KDM4C: variants seen among roughly 807,000 people sequenced by gnomAD.
The protein encoded by KDM4C is lysine demethylase 4C.
Under a neutral mutation model 129.3 loss-of-function variants are expected in KDM4C, and 81 were observed. That is an observed-to-expected ratio of 0.63 (90% CI 0.52 to 0.75). The LOEUF is 0.75. Ranked by LOEUF, KDM4C falls within the 30% of genes least tolerant of loss-of-function variation. The pLI is 0.00. For synonymous variants in KDM4C, 573 were observed against 456.1 expected (o/e 1.26, Z -3.26); for missense variants, 1,457 against 1,304.0 (o/e 1.12, Z -1.81).
At chr9:6,848,063 T>C (rs530945977) in intron 4 of KDM4C, among the ~76,000 whole-genome samples, 1 of 152,240 alleles carries the variant, frequency 6.6e-6, no homozygotes, top group South Asian at 2.1e-4. Flanking sequence ...CCCTCAATTT[T>C]TTATTTTTAA....
In KDM4C at chr9:6,746,868, T is replaced by C. The variant is rs374706612; in HGVS notation, c.49+25871T>C. The stretch of plus-strand genomic sequence containing the variant: ...AAAAATACAAAAAATTAGCCGGGCG[T>C]GGTGGCGGGCACCTGTAGTCCCAGC... On this transcript the variant is annotated intron_variant, in intron 1 of 17. Transcript: ENST00000536108. 9.1e-3 allele frequency among the ~76,000 whole-genome samples: 1,367 copies of C among 150,384 alleles called. 28 individuals carry two copies. Among genetic ancestry groups the C allele is most frequent in the African/African-American group, 0.031 (1,291 of 41,070 alleles).
intron 8 of KDM4C, among the ~76,000 whole-genome samples, chr9:6,949,724 C>G (rs927668176): frequency 3.3e-5 from 5 of 152,180 alleles, no homozygotes; most frequent in Non-Finnish European, 7.3e-5. Context: ...CGCCTGCAAT[C>G]GCAGGCACTC....
chr9:6,865,290 G>C (rs943322568), intron 5 of KDM4C, among the ~76,000 whole-genome samples: 5 of 152,166 alleles, frequency 3.3e-5, no homozygotes, highest in Non-Finnish European at 7.4e-5. Context: ...TTACAAGCGT[G>C]AGCCAAAGTG....
chr9:6,934,528 A>G (rs566570236), intron 8 of KDM4C, among the ~76,000 whole-genome samples: 1 of 144,360 alleles, frequency 6.9e-6, no homozygotes, highest in South Asian at 2.4e-4. Context: ...ACCAACTTAT[A>G]TCCTCTCTCT....
chr9:6,853,052 C>G (rs182910509), intron 5 of KDM4C, among the ~76,000 whole-genome samples: 3 of 151,642 alleles, frequency 2.0e-5, no homozygotes, highest in Non-Finnish European at 2.9e-5. Flanking sequence ...TTTTTTTCAC[C>G]TTTGAATCAT....
At position 6,794,858 on chromosome 9, in the gene KDM4C, G is replaced by A. The variant is rs191413274; in HGVS notation, c.144+1726G>A. 3.4e-3 allele frequency among the ~76,000 whole-genome samples: 520 copies of A among 152,284 alleles called. 3 individuals carry two copies. Among genetic ancestry groups the A allele is most frequent in the African/African-American group, 0.012 (494 of 41,566 alleles). Reference sequence around the variant, plus strand: ...GCACATTTGGATGCATAGGTCCAAAGTAAGATCTTTGAAAGAGAGATCCAC... The same window carrying A: ...GCACATTTGGATGCATAGGTCCAAAATAAGATCTTTGAAAGAGAGATCCAC... On this transcript the variant is annotated intron_variant, in intron 2 of 21. Coordinates refer to ENST00000381309, the MANE Select transcript of KDM4C (RefSeq NM_015061.6).
At chr9:6,974,440 A>C (rs1025179315) in intron 8 of KDM4C, among the ~76,000 whole-genome samples, 1 of 152,180 alleles carries the variant, frequency 6.6e-6, no homozygotes, top group Admixed American at 6.5e-5. Context: ...GCTCACTGCA[A>C]CCTACGCCTC....
intron 18 of KDM4C, among the ~76,000 whole-genome samples, chr9:7,120,292 C>T (rs1839357326): frequency 1.3e-5 from 2 of 152,060 alleles, no homozygotes; most frequent in Non-Finnish European, 2.9e-5. Flanking sequence ...AGGTTGTAAT[C>T]ATTGGTAGTT....
chr9:7,060,137 A>G (rs1831415789), intron 17 of KDM4C, among the ~76,000 whole-genome samples: 1 of 151,572 alleles, frequency 6.6e-6, no homozygotes, highest in South Asian at 2.1e-4. Flanking sequence ...ATCAGGTGGA[A>G]GGGAATAGTT....
Position 6,893,477 on chromosome 9 carries a change from C to T in KDM4C, c.921+245C>T, listed in dbSNP as rs145566925. On this transcript the variant is annotated intron_variant, in intron 8 of 21. Coordinates refer to ENST00000381309, the MANE Select transcript of KDM4C (RefSeq NM_015061.6). The stretch of plus-strand genomic sequence containing the variant: ...TACCCTGATAGGTAATTTGATGCGA[C>T]GTGTGTTTGCTTTTTATCTTGAGGC... The T allele has an allele frequency of 3.7e-4, 109 of 295,490 alleles. 1 individual carries two copies. In the South Asian group the frequency reaches 8.5e-3, roughly 23 times the overall value. The allele number at this position is 295,490 out of a possible 1,614,324, so 18.3% of individuals were successfully genotyped here.
intron 18 of KDM4C, among the ~76,000 whole-genome samples, chr9:7,111,558 A>T (rs1838321401): frequency 6.6e-6 from 1 of 152,178 alleles, no homozygotes; most frequent in African/African-American, 2.4e-5. Context: ...TGGAAGAGCC[A>T]GGATACAAAG....
intron 8 of KDM4C, among the ~76,000 whole-genome samples, chr9:6,950,540 C>T (rs1330945306): frequency 6.6e-6 from 1 of 152,126 alleles, no homozygotes; most frequent in Non-Finnish European, 1.5e-5. Flanking sequence ...AAATTCAAAG[C>T]AAATTTAAGC....
chr9:7,037,674 C>G (rs549560221), intron 15 of KDM4C, among the ~76,000 whole-genome samples: 9 of 152,036 alleles, frequency 5.9e-5, no homozygotes, highest in Non-Finnish European at 1.0e-4. Context: ...AGGAAAAGTA[C>G]AAAACTGTTC....
In KDM4C at chr9:7,062,700, C is replaced by T. The variant is rs149167222; in HGVS notation, c.2424+13500C>T. 2.9e-3 allele frequency among the ~76,000 whole-genome samples: 446 copies of T among 151,758 alleles called. 1 individual carries two copies. Among genetic ancestry groups the T allele is most frequent in the Non-Finnish European group, 5.0e-3 (340 of 67,884 alleles). ...TGCCCAGCCCCCTTTTTTTTTTCCC[C>T]ACCATTTGAACTTACAGAATTATTC... On this transcript the variant is annotated intron_variant, in intron 17 of 21. Coordinates refer to ENST00000381309, the MANE Select transcript of KDM4C (RefSeq NM_015061.6).
rs80285793 is a variant in KDM4C at position 6,987,634 on chromosome 9, T to C, written c.1677+968T>C. On this transcript the variant is annotated intron_variant, in intron 11 of 21. Transcript: ENST00000381309. The stretch of plus-strand genomic sequence containing the variant: ...CCCTGAGTAGGAGCAAGGGAGGTTG[T>C]ATAAGGACAGCAGCTTTGAATACCT... 3.3e-3 allele frequency among the ~76,000 whole-genome samples: 508 copies of C among 152,326 alleles called. 32 individuals carry two copies. In the East Asian group the frequency reaches 0.084, roughly 25 times the overall value.
chr9:7,070,988 G>C (rs1053139199), intron 17 of KDM4C, among the ~76,000 whole-genome samples: 3 of 152,072 alleles, frequency 2.0e-5, no homozygotes, highest in African/African-American at 7.2e-5. Context: ...GTTTTCAGGG[G>C]TACAAGGTTA....
chr9:6,980,916 G>T lies in KDM4C; in HGVS notation c.922-9G>T, dbSNP rs775652048. 6.2e-7 allele frequency: 1 copy of T among 1,613,292 alleles called. No homozygotes were observed. Among genetic ancestry groups the T allele is most frequent in the South Asian group, 1.1e-5 (1 of 91,002 alleles). ...ACGTTTAACACTCTCCAACCCGGTTGTGTTTCAGTGCACTTGCAGGAAAGA... is the reference window on the plus strand; with the variant it reads ...ACGTTTAACACTCTCCAACCCGGTTTTGTTTCAGTGCACTTGCAGGAAAGA... On this transcript the variant is annotated splice_polypyrimidine_tract_variant and intron_variant, in intron 8 of 21. Coordinates refer to ENST00000381309, the MANE Select transcript of KDM4C (RefSeq NM_015061.6).
Position 6,849,526 on chromosome 9 carries a change from T to C in KDM4C, c.455T>C (p.Ile152Thr). The C allele has an allele frequency of 6.3e-7, 1 of 1,597,752 alleles. No homozygotes were observed. Among genetic ancestry groups the C allele is most frequent in the East Asian group, 2.2e-5 (1 of 44,464 alleles). The stretch of plus-strand genomic sequence containing the variant: ...TTCCAGGGTGTGGATGAATGGAACA[T>C]AGCTCGCCTCAATACAGTCTTGGAT... Reference protein sequence around the residue: ...IYDEGVDEWNIARLNTVLDVV... With the variant: ...IYDEGVDEWNTARLNTVLDVV... Residue 152 changes from isoleucine (I) to threonine (T), a missense_variant, in exon 5 of 22, where the codon ATA becomes ACA. Transcript: ENST00000381309.
At chr9:6,988,600 T>C (rs1226769577) in intron 11 of KDM4C, among the ~76,000 whole-genome samples, 5 of 152,212 alleles carry the variant, frequency 3.3e-5, no homozygotes, top group African/African-American at 1.2e-4. Context: ...ATGTGTATGC[T>C]GATAGCTGCT....
Sources: allele counts gnomAD v4.1 joint callset (sites outside exome capture counted in the v4.1 genomes callset), GRCh38; gene constraint gnomAD v4.1.1; transcripts MANE v1.5; gene names NCBI Gene and HGNC (gene_info 2026-07-23, HGNC 2026-07-21).